The following VIT variants were observed in gnomAD, a reference collection of about 807,000 sequenced individuals.
The protein encoded by VIT is vitrin.
In VIT, 99 loss-of-function variants were observed where a neutral mutation model predicts 78.0. The observed-to-expected ratio is 1.27, with a 90% CI of 1.08 to 1.50. The LOEUF is 1.50. VIT is among the 40% of genes most tolerant of loss of function. The pLI, the probability that VIT is intolerant of heterozygous loss-of-function variation, is 0.00. For synonymous variants in VIT, 374 were observed against 334.3 expected (o/e 1.12, Z -1.29); for missense variants, 1,126 against 875.3 (o/e 1.29, Z -3.61).
chr2:36,738,358 A>G (rs547789552), intron 3 of VIT, among the ~76,000 whole-genome samples: 1 of 152,310 alleles, frequency 6.6e-6, no homozygotes, highest in South Asian at 2.1e-4. Context: ...TAATTGAACA[A>G]ATTAACTTGC....
intron 9 of VIT, among the ~76,000 whole-genome samples, chr2:36,776,914 T>C (rs191342894): frequency 0.056 from 8,133 of 145,010 alleles, 250 homozygotes; most frequent in South Asian, 0.081. Context: ...ACGGTGAAAC[T>C]CCGTCTCTAC....
rs142434752 is a variant in VIT at position 36,804,560 on chromosome 2, G to T, written c.1163-878G>T. ...CGCATGAAAGTCTTTGGCCAGGCAC[G>T]GTGGTTCAAACCTGTAATCCCAGCA... is the stretch of plus-strand genomic sequence containing the variant. On this transcript the variant is annotated intron_variant, in intron 13 of 15. Coordinates refer to ENST00000379242, the MANE Select transcript of VIT (RefSeq NM_053276.4). Among the ~76,000 whole-genome samples the T allele has an allele frequency of 6.0e-3, 921 of 152,306 alleles. 11 individuals are homozygous for T. Among genetic ancestry groups the T allele is most frequent in the African/African-American group, 0.021 (885 of 41,564 alleles).
intron 3 of VIT, among the ~76,000 whole-genome samples, chr2:36,731,375 G>A (rs1466755527): frequency 6.6e-6 from 1 of 152,130 alleles, no homozygotes; most frequent in Non-Finnish European, 1.5e-5. Context: ...CCGGGTTCAA[G>A]TGATTCTTCT....
chr2:36,709,879 T>C (rs946059975), intron 1 of VIT, among the ~76,000 whole-genome samples: 3 of 152,208 alleles, frequency 2.0e-5, no homozygotes, highest in Non-Finnish European at 4.4e-5. Flanking sequence ...GAATTTGAGC[T>C]TTATTCTGTA....
chr2:36,713,156 G>A (rs1007604002), intron 1 of VIT, among the ~76,000 whole-genome samples: 2 of 152,222 alleles, frequency 1.3e-5, no homozygotes, highest in East Asian at 1.9e-4. Flanking sequence ...GGTGAGGTGG[G>A]AGGAGGATTG....
At chr2:36,697,900 T>A (rs1664779317) in intron 1 of VIT, among the ~76,000 whole-genome samples, 1 of 152,206 alleles carries the variant, frequency 6.6e-6, no homozygotes, top group African/African-American at 2.4e-5. Context: ...TGTGTTGCAA[T>A]AAATTTGGAA....
At chr2:36,778,909 G>A (rs10490660) in intron 9 of VIT, among the ~76,000 whole-genome samples, 5,203 of 152,324 alleles carry the variant, frequency 0.034, 293 homozygotes, top group East Asian at 0.25. Context: ...TCACTGGGAA[G>A]AAACGAGGGA....
intron 1 of VIT, among the ~76,000 whole-genome samples, chr2:36,698,252 G>T (rs1280230661): frequency 6.6e-6 from 1 of 152,126 alleles, no homozygotes; most frequent in Non-Finnish European, 1.5e-5. Flanking sequence ...AGGAAGATTG[G>T]AAATGCTTAA....
chr2:36,704,261 A>G (rs74262652), intron 1 of VIT, among the ~76,000 whole-genome samples: 4,925 of 152,196 alleles, frequency 0.032, 103 homozygotes, highest in African/African-American at 0.058. Flanking sequence ...TTAAGTCTCA[A>G]TTTCCTGCTC....
chr2:36,705,738 G>C (rs1421938125), intron 1 of VIT, among the ~76,000 whole-genome samples: 1 of 152,210 alleles, frequency 6.6e-6, no homozygotes, highest in Non-Finnish European at 1.5e-5. Context: ...ATATTTATGG[G>C]AAGTTCCTAG....
chr2:36,734,696 AGTT>A (rs1195776652), intron 3 of VIT, among the ~76,000 whole-genome samples: 2 of 152,108 alleles, frequency 1.3e-5, no homozygotes, highest in Non-Finnish European at 2.9e-5. Flanking sequence ...TGATTTTGGT[AGTT>A]ATCTCTTTCT....
intron 9 of VIT, among the ~76,000 whole-genome samples, chr2:36,779,263 T>C (rs79796402): frequency 1.6e-3 from 237 of 152,286 alleles, no homozygotes; most frequent in African/African-American, 5.5e-3. Flanking sequence ...TAAAGTTCTG[T>C]TCTGCCACTC....
rs1666138827 is a variant in VIT at position 36,716,403 on chromosome 2, T to C, written c.33T>C (p.Ser11=). 1.9e-6 allele frequency: 3 copies of C among 1,613,914 alleles called. No homozygotes were observed. The highest frequency in any genetic ancestry group is 2.5e-6 in the Non-Finnish European group (3 of 1,179,930). The change falls in exon 2 of 16, where the codon TCT becomes TCC. Residue 11 remains serine (S), a synonymous_variant. Transcript: ENST00000379242. ...CTGTTGTTCTCACTATGAAGGCATC[T>C]GTTATTGAAATGTTCCTTGGTAAGT... MRTVVLTMKA[S]VIEMFLVLLV... is the part of the protein sequence containing the mutation.
intron 4 of VIT, among the ~76,000 whole-genome samples, chr2:36,751,461 C>T (rs559125371): frequency 2.2e-4 from 33 of 152,272 alleles, no homozygotes; most frequent in African/African-American, 7.7e-4. Context: ...CCCTTACTTC[C>T]AGCCCGGAGC....
At position 36,774,996 on chromosome 2, in the gene VIT, C is replaced by G; in HGVS notation, c.737-6C>G. The G allele has an allele frequency of 1.2e-6, 2 of 1,614,114 alleles. No homozygotes were observed. Among genetic ancestry groups the G allele is most frequent in the Non-Finnish European group, 8.5e-7 (1 of 1,180,008 alleles). On this transcript the variant is annotated splice_polypyrimidine_tract_variant and splice_region_variant and intron_variant, in intron 8 of 15. Transcript: ENST00000379242. The stretch of plus-strand genomic sequence containing the variant: ...TAAATCGGCTGACCCTGTGTAATCC[C>G]CTCAGGTATCCAAAGGCAAGATCCT...
intron 1 of VIT, among the ~76,000 whole-genome samples, chr2:36,705,700 C>T (rs10460526): frequency 0.31 from 47,219 of 152,096 alleles, 8,316 homozygotes; most frequent in Middle Eastern, 0.43. Context: ...AGGGGATACA[C>T]ATTCTAGTTA....
chr2:36,787,133 C>T lies in VIT; in HGVS notation c.915C>T (p.Cys305=), dbSNP rs914190689. The T allele has an allele frequency of 1.8e-5, 29 of 1,614,140 alleles. No individual in the cohort carries two copies. Among genetic ancestry groups the T allele is most frequent in the Non-Finnish European group, 2.3e-5 (27 of 1,180,032 alleles). The change falls in exon 12 of 16, where the codon TGC becomes TGT. Residue 305 remains cysteine, a synonymous_variant. Transcript: ENST00000379242. ...GAGTCTTTTTCCGTTCCGCAGACTG[C>T]AAAATTGACTTGTCGTTTTTAATTG... ...LEPVSLGDPN[C]KIDLSFLIDG... is the part of the protein sequence containing the mutation.
In VIT at chr2:36,789,688, G is replaced by A. The variant is rs79766772; in HGVS notation, c.1058+2412G>A. ...GAGGAAGGAAGTGGGGCATCCTGGT[G>A]ATTTGGGTTCTCACCAGATTCTAAC... On this transcript the variant is annotated intron_variant, in intron 12 of 15. Transcript: ENST00000379242. 3.4e-3 allele frequency among the ~76,000 whole-genome samples: 517 copies of A among 152,326 alleles called. 3 individuals carry two copies. The highest frequency in any genetic ancestry group is 0.012 in the African/African-American group (493 of 41,566).
At chr2:36,767,316 C>G in intron 7 of VIT, 31 bp downstream of exon 7, 1 of 1,464,278 alleles carries the variant, frequency 6.8e-7, no homozygotes, top group South Asian at 1.5e-5. Context: ...TTGCTTTGTG[C>G]TAGGGAAATG....
Sources: allele counts gnomAD v4.1 joint callset (sites outside exome capture counted in the v4.1 genomes callset), GRCh38; gene constraint gnomAD v4.1.1; transcripts MANE v1.5; gene names NCBI Gene and HGNC (gene_info 2026-07-23, HGNC 2026-07-21).